The following FRMPD4 variants were observed in gnomAD, a reference collection of about 807,000 sequenced individuals.
FRMPD4 encodes the protein FERM and PDZ domain-containing protein 4.
A neutral mutation model predicts 94.1 loss-of-function variants in FRMPD4; 22 were observed. The ratio of observed to expected loss-of-function variants is 0.23; its 90% CI spans 0.17 to 0.33. FRMPD4 has a LOEUF of 0.33. Ranked by LOEUF, FRMPD4 falls within the 10% of genes least tolerant of loss-of-function variation. FRMPD4 has a pLI of 1.00. For missense variants in FRMPD4, 1,111 were observed against 1,339.9 expected (o/e 0.83, Z 2.67); for synonymous variants, 631 against 548.6 (o/e 1.15, Z -2.10).
intron 3 of FRMPD4, among the ~76,000 whole-genome samples, chrX:12,002,303 T>C (rs988675239): frequency 8.9e-6 from 1 of 112,017 alleles, no homozygotes; most frequent in Non-Finnish European, 1.9e-5. Context: ...CATGTAGGTA[T>C]AGGAATCAGT....
At chrX:12,160,454 T>C (rs1159457035) in intron 1 of FRMPD4, among the ~76,000 whole-genome samples, 1 of 111,608 alleles carries the variant, frequency 9.0e-6, no homozygotes, top group Non-Finnish European at 1.9e-5. Flanking sequence ...TACTTCTAGG[T>C]AATTAAGAAC....
chrX:12,690,494 T>C (rs2060069578), intron 8 of FRMPD4, among the ~76,000 whole-genome samples, 168 bp downstream of exon 8: 1 of 112,063 alleles, frequency 8.9e-6, no homozygotes, highest in Non-Finnish European at 1.9e-5. Flanking sequence ...CTCAAGGTCA[T>C]GTTTCCCTTT....
At chrX:12,441,717 A>C (rs2057139297) in intron 1 of FRMPD4, among the ~76,000 whole-genome samples, 3 of 112,462 alleles carry the variant, frequency 2.7e-5, no homozygotes, top group Admixed American at 1.9e-4. Flanking sequence ...ATGGTGTAGT[A>C]GCAAAGTATA....
At chrX:12,039,754 G>A (rs768482973) in intron 3 of FRMPD4, among the ~76,000 whole-genome samples, 2 of 110,073 alleles carry the variant, frequency 1.8e-5, no homozygotes, top group East Asian at 5.6e-4. Flanking sequence ...TGGATCACCT[G>A]AGGTAGGGAC....
rs901274756 is a variant in FRMPD4 at position 12,118,077 on chromosome X, T to C, written c.95+240059T>C. Among the ~76,000 whole-genome samples, 6 of 111,869 alleles carry C rather than the reference T, an allele frequency of 5.4e-5. No homozygotes were observed. In the East Asian group the frequency reaches 1.1e-3, roughly 21 times the overall value. The stretch of plus-strand genomic sequence containing the variant: ...GGAAAAAGAAGCAAAGGGTGAGTTA[T>C]GTAATGTTCAAAAAAGTTTTTAAAA... On this transcript the variant is annotated intron_variant, in intron 3 of 18. Coordinates refer to the FRMPD4 transcript ENST00000640291.
Position 11,929,228 on chromosome X carries a change from CCTGCACATGT to C in FRMPD4, c.95+51211_95+51220del, listed in dbSNP as rs1473040796. Among the ~76,000 whole-genome samples the C allele has an allele frequency of 5.3e-5, 6 of 112,199 alleles. No individual in the cohort carries two copies. The East Asian group carries it at 8.4e-4, about 16-fold the overall frequency. On this transcript the variant is annotated intron_variant, in intron 3 of 18. Coordinates refer to the FRMPD4 transcript ENST00000640291. The stretch of plus-strand genomic sequence containing the variant: ...GACACGAGTTTACCTATCTAACAAT[CCTGCACATGT>C]ACCCTTGAACTTAAAAGTTAACTAA...
At chrX:12,083,539 A>C (rs1056709025) in intron 3 of FRMPD4, among the ~76,000 whole-genome samples, 13 of 112,541 alleles carry the variant, frequency 1.2e-4, no homozygotes, top group Middle Eastern at 4.6e-3. Context: ...GGTACTGCCT[A>C]GTGGAGCTAT....
At position 12,701,788 on chromosome X, in the gene FRMPD4, C is replaced by T. The variant is rs1000221475; in HGVS notation, c.934-86C>T. 3.0e-6 allele frequency: 3 copies of T among 1,002,031 alleles called. No homozygotes were observed. In the African/African-American group the frequency reaches 5.6e-5, roughly 19 times the overall value. 82.6% of individuals were successfully genotyped at this position (1,002,031 alleles called of 1,213,427 possible). A position where few individuals can be genotyped will look rare whatever the true frequency, so the allele number is the denominator to read the frequency against. ...CCTGGGAAGTGAAGGTTGAATCACT[C>T]GGGAAATGTATGTCACCTGTTCTGT... On this transcript the variant is annotated intron_variant, in intron 9 of 16. Coordinates refer to ENST00000675598, the MANE Select transcript of FRMPD4 (RefSeq NM_001368397.1).
intron 1 of FRMPD4, among the ~76,000 whole-genome samples, chrX:12,366,614 C>T (rs1006604933): frequency 2.7e-5 from 3 of 112,252 alleles, no homozygotes; most frequent in Non-Finnish European, 5.6e-5. Flanking sequence ...TGTATGAGCA[C>T]ACCCACCCAG....
At chrX:12,353,176 C>G (rs2055841709) in intron 1 of FRMPD4, among the ~76,000 whole-genome samples, 1 of 111,524 alleles carries the variant, frequency 9.0e-6, no homozygotes, top group Non-Finnish European at 1.9e-5. Flanking sequence ...AGACTCTGAA[C>G]CTACCTGGAC....
Position 12,318,448 on chromosome X carries a change from C to T in FRMPD4, c.41+179436C>T, listed in dbSNP as rs148724957. Among the ~76,000 whole-genome samples, 438 of 111,861 alleles carry T rather than the reference C, an allele frequency of 3.9e-3. 2 individuals are homozygous for T. The highest frequency in any genetic ancestry group is 6.3e-3 in the Non-Finnish European group (334 of 53,130). On this transcript the variant is annotated intron_variant, in intron 1 of 16. Transcript: ENST00000675598. ...GCTGAGATCGGAGGATTGCTTCACT[C>T]GGGAAGTCAAGGCTACAGTAAGCCA...
At chrX:12,379,697 G>T in intron 1 of FRMPD4, among the ~76,000 whole-genome samples, 1 of 103,433 alleles carries the variant, frequency 9.7e-6, no homozygotes, top group Non-Finnish European at 2.0e-5. Flanking sequence ...CTTTCAGAGG[G>T]CTTTTTCAAA....
At chrX:12,032,312 G>C (rs1001038319) in intron 3 of FRMPD4, among the ~76,000 whole-genome samples, 7 of 112,044 alleles carry the variant, frequency 6.2e-5, no homozygotes, top group Non-Finnish European at 1.9e-5. Flanking sequence ...CAAGGGAATG[G>C]AGAAAGAACT....
At chrX:12,075,216 C>G (rs1569153858) in intron 3 of FRMPD4, among the ~76,000 whole-genome samples, 1 of 111,669 alleles carries the variant, frequency 9.0e-6, no homozygotes, top group African/African-American at 3.3e-5. Context: ...CTAAACCAAT[C>G]TAATGTACAT....
chrX:12,259,930 C>T (rs1416999528), intron 1 of FRMPD4, among the ~76,000 whole-genome samples: 2 of 111,799 alleles, frequency 1.8e-5, no homozygotes, highest in Non-Finnish European at 1.9e-5. Flanking sequence ...TATCTTAAAC[C>T]TTCACAAAAG....
chrX:11,920,855 C>T (rs2054051556), intron 3 of FRMPD4, among the ~76,000 whole-genome samples: 1 of 111,127 alleles, frequency 9.0e-6, no homozygotes, highest in Non-Finnish European at 1.9e-5. Flanking sequence ...CAGCCCTAGA[C>T]AAAGGGAGAA....
chrX:12,363,264 C>A (rs1380879250), intron 1 of FRMPD4, among the ~76,000 whole-genome samples: 1 of 112,374 alleles, frequency 8.9e-6, no homozygotes, highest in Admixed American at 9.4e-5. Context: ...ACTGGTGATT[C>A]TAAATTACAT....
chrX:12,089,413 T>C (rs2055136358), intron 3 of FRMPD4, among the ~76,000 whole-genome samples: 1 of 112,347 alleles, frequency 8.9e-6, no homozygotes, highest in Non-Finnish European at 1.9e-5. Flanking sequence ...ATGATTCTAT[T>C]GATCTGTAGT....
chrX:12,040,951 TA>T (rs1021760719), intron 3 of FRMPD4, among the ~76,000 whole-genome samples: 1 of 110,995 alleles, frequency 9.0e-6, no homozygotes, highest in African/African-American at 3.3e-5. Flanking sequence ...ATTCTATTAT[TA>T]AAAAAAATTT....
Sources: gnomAD v4.1 joint callset for allele counts (sites outside exome capture counted in the v4.1 genomes callset) on GRCh38, gnomAD v4.1.1 for gene constraint, MANE v1.5 for transcripts, NCBI Gene and HGNC (gene_info 2026-07-23, HGNC 2026-07-21) for gene names.